CFAP100: variants seen among roughly 807,000 people sequenced by gnomAD.
CFAP100 encodes cilia- and flagella-associated protein 100.
CFAP100 carries 70 observed loss-of-function variants against 81.5 expected under a neutral mutation model. That is an observed-to-expected ratio of 0.86 (90% confidence interval 0.71 to 1.05). The LOEUF (loss-of-function observed/expected upper bound fraction) is 1.05, where lower values mean the gene tolerates loss of function less well. Ranked by LOEUF, CFAP100 falls within the 50% of genes least tolerant of loss-of-function variation. The pLI is 0.00. For missense variants in CFAP100, 811 were observed against 776.5 expected (o/e 1.04, Z -0.53); for synonymous variants, 341 against 314.8 (o/e 1.08, Z -0.88).
rs551358419 is a variant in CFAP100, at chr3:126,419,940, G to A, written c.914-40G>A. 14 of 1,612,688 alleles carry A rather than the reference G, an allele frequency of 8.7e-6. No homozygotes were observed. In the East Asian group the frequency reaches 8.9e-5, roughly 10 times the overall value. On this transcript the variant is annotated intron_variant, in intron 9 of 16. Coordinates refer to ENST00000352312, the MANE Select transcript of CFAP100 (RefSeq NM_182628.3). Reference sequence around the variant, plus strand: ...CACATGGCGTTGCTGAAGCTTGGCTGCAGCTGAGGCCATCGGGGCCCCCCC... The same window carrying A: ...CACATGGCGTTGCTGAAGCTTGGCTACAGCTGAGGCCATCGGGGCCCCCCC...
chr3:126,436,258 C>G, intron 16 of CFAP100, 33 bp from the exon 17 acceptor site: 1 of 1,563,702 alleles, frequency 6.4e-7, no homozygotes, highest in South Asian at 1.1e-5. Flanking sequence ...GCTCACTAGG[C>G]AGCAAGGCTC....
rs148814499 is a variant in CFAP100, at chr3:126,418,757, C to T, written c.633C>T (p.Ser211=). ...DEFVRENDCS[S]VQAMRAAEKE... is the part of the protein sequence containing the mutation. ...TCGTCAGGGAGAATGACTGCAGCTC[C>T]GTGCAGGCCATGAGAGCGTGAGCCT... Residue 211 remains serine, a synonymous_variant, in exon 7 of 17, where the codon TCC becomes TCT. Coordinates refer to ENST00000352312, the MANE Select transcript of CFAP100 (RefSeq NM_182628.3). 6.9e-5 allele frequency: 110 copies of T among 1,594,524 alleles called. No individual in the cohort carries two copies. The East Asian group carries it at 2.1e-3, about 31-fold the overall frequency.
intron 5 of CFAP100, 30 bp from the exon 6 acceptor site, chr3:126,418,428 C>T: frequency 6.2e-7 from 1 of 1,612,104 alleles, no homozygotes. Flanking sequence ...GGGCTTCCCG[C>T]TCCTGCTCAC....
chr3:126,407,374 C>T (rs2083082243), intron 3 of CFAP100, 122 bp downstream of exon 3: 1 of 589,446 alleles, frequency 1.7e-6, no homozygotes, highest in Non-Finnish European at 3.0e-6. Flanking sequence ...TTTCTCTTTC[C>T]ATTAGGAATT....
intron 1 of CFAP100, 66 bp from the exon 2 acceptor site, chr3:126,395,876 C>A: frequency 1.3e-6 from 1 of 790,278 alleles, no homozygotes; most frequent in Non-Finnish European, 2.1e-6. Flanking sequence ...TGGCTGTCAG[C>A]CACCCAGGGG....
intron 14 of CFAP100, chr3:126,433,458 A>G: frequency 2.1e-6 from 1 of 474,022 alleles, no homozygotes; most frequent in Non-Finnish European, 3.8e-6. Flanking sequence ...TTAAACACAT[A>G]TATTGTGTCT....
intron 7 of CFAP100, 114 bp downstream of exon 7, chr3:126,418,888 A>C: frequency 1.5e-6 from 2 of 1,332,014 alleles, no homozygotes; most frequent in Non-Finnish European, 2.0e-6. Flanking sequence ...CTCCTCTGGA[A>C]GCACCAGGGC....
At position 126,420,082 on chromosome 3, in the gene CFAP100, CTA is replaced by C. The variant is rs1251132697; in HGVS notation, c.956-19_956-18del. 6.2e-7 allele frequency: 1 copy of C among 1,613,310 alleles called. No individual in the cohort carries two copies. The highest frequency in any genetic ancestry group is 1.1e-5 in the South Asian group (1 of 91,080). Reference sequence around the variant, plus strand: ...CTCTGCCCTGCACAGGGCTCGGAAACTATTCCTCTGCTTTCTCCAGAGGGTCA... The same window carrying C: ...CTCTGCCCTGCACAGGGCTCGGAAACTTCCTCTGCTTTCTCCAGAGGGTCA... On this transcript the variant is annotated intron_variant, in intron 10 of 16. Coordinates refer to ENST00000352312, the MANE Select transcript of CFAP100 (RefSeq NM_182628.3).
intron 2 of CFAP100, among the ~76,000 whole-genome samples, chr3:126,406,857 G>A (rs937168513): frequency 1.3e-5 from 2 of 152,168 alleles, no homozygotes; most frequent in South Asian, 2.1e-4. Flanking sequence ...CCTGGGTCCC[G>A]GTATGTCCAT....
rs200898890 is a variant in CFAP100 at position 126,407,228 on chromosome 3, A to G, written c.106A>G (p.Lys36Glu). Reference sequence around the variant, plus strand: ...TTCTTCAAGCACTGAAGAGAACCCAAAGAAACAGGCAAGAAAAAACGAAGG... The same window carrying G: ...TTCTTCAAGCACTGAAGAGAACCCAGAGAAACAGGCAAGAAAAAACGAAGG... ...SSSSSTEENP[K>E]KQARKNEEHG... The change falls in exon 3 of 17, where the codon AAG becomes GAG. Residue 36 changes from lysine (K) to glutamate (E), a missense_variant. By Grantham distance (56) the Lys-to-Glu change is moderately conservative. Coordinates refer to ENST00000352312, the MANE Select transcript of CFAP100 (RefSeq NM_182628.3). 1.4e-4 allele frequency: 221 copies of G among 1,613,840 alleles called. No individual in the cohort carries two copies. Among genetic ancestry groups the G allele is most frequent in the Non-Finnish European group, 1.8e-4 (217 of 1,179,896 alleles).
intron 13 of CFAP100, among the ~76,000 whole-genome samples, chr3:126,425,843 C>G (rs1177525601): frequency 6.6e-6 from 1 of 152,128 alleles, no homozygotes; most frequent in East Asian, 1.9e-4. Flanking sequence ...TAGCACTGAA[C>G]ACAATCCAAC....
At chr3:126,423,758 G>T in intron 13 of CFAP100, 114 bp downstream of exon 13, 1 of 1,270,456 alleles carries the variant, frequency 7.9e-7, no homozygotes. Context: ...GCCCTGGCCT[G>T]GTCCAGGTTG....
chr3:126,423,379 G>A lies in CFAP100; in HGVS notation c.1134+3G>A, dbSNP rs1286734378. 6.2e-7 allele frequency: 1 copy of A among 1,613,418 alleles called. No individual in the cohort carries two copies. Among genetic ancestry groups the A allele is most frequent in the East Asian group, 2.2e-5 (1 of 44,854 alleles). ...AGGACACCGACAGCGATGGGGAGGT[G>A]AATGGCCCAGTGCTGGGCTGGAATT... On this transcript the variant is annotated splice_donor_region_variant and intron_variant, in intron 12 of 16. Coordinates refer to ENST00000352312, the MANE Select transcript of CFAP100 (RefSeq NM_182628.3).
intron 2 of CFAP100, among the ~76,000 whole-genome samples, chr3:126,402,194 C>T (rs1040272225): frequency 1.3e-5 from 2 of 152,230 alleles, no homozygotes; most frequent in African/African-American, 4.8e-5. Flanking sequence ...CCATCACTAA[C>T]CCAGTCCTGG....
At chr3:126,410,025 A>C (rs573745007) in intron 3 of CFAP100, among the ~76,000 whole-genome samples, 1 of 151,902 alleles carries the variant, frequency 6.6e-6, no homozygotes, top group Admixed American at 6.6e-5. Flanking sequence ...ATATGATGAA[A>C]CCTCGTCTCT....
At chr3:126,411,748 T>C (rs953515204) in intron 3 of CFAP100, among the ~76,000 whole-genome samples, 4 of 152,194 alleles carry the variant, frequency 2.6e-5, no homozygotes, top group Admixed American at 2.6e-4. Flanking sequence ...TGGTGGTGGA[T>C]GAATATCTCC....
intron 2 of CFAP100, 75 bp from the exon 3 acceptor site, chr3:126,407,097 C>A: frequency 2.0e-6 from 2 of 992,700 alleles, no homozygotes; most frequent in Non-Finnish European, 1.6e-6. Flanking sequence ...AGACATTCCC[C>A]GCCTCAGGCT....
chr3:126,427,234 A>G (rs1426514900), intron 13 of CFAP100, among the ~76,000 whole-genome samples: 1 of 152,238 alleles, frequency 6.6e-6, no homozygotes, highest in Non-Finnish European at 1.5e-5. Context: ...GGTGACTGAC[A>G]CTAGCCAACC....
intron 13 of CFAP100, among the ~76,000 whole-genome samples, chr3:126,431,830 C>T (rs957562012): frequency 1.3e-5 from 2 of 152,130 alleles, no homozygotes; most frequent in African/African-American, 2.4e-5. Flanking sequence ...CACTTGAATC[C>T]CCCAGGGATC....
Sources: allele counts gnomAD v4.1 joint callset (sites outside exome capture counted in the v4.1 genomes callset), GRCh38; gene constraint gnomAD v4.1.1; transcripts MANE v1.5; gene names NCBI Gene and HGNC (gene_info 2026-07-23, HGNC 2026-07-21).